Variants in PPP2R2C observed in about 807,000 individuals in gnomAD.
PPP2R2C encodes the protein protein phosphatase 2 regulatory subunit Bgamma.
In PPP2R2C, 10 loss-of-function variants were observed where a neutral mutation model predicts 45.3. The ratio of observed to expected loss-of-function variants is 0.22; its 90% CI spans 0.14 to 0.37. PPP2R2C has a LOEUF of 0.37. PPP2R2C is among the 10% of genes least tolerant of loss of function. The pLI is 1.00. For missense variants in PPP2R2C, 308 were observed against 619.7 expected, an observed-to-expected ratio of 0.50 and a Z score of 5.34; for synonymous variants, 257 against 245.4, an observed-to-expected ratio of 1.05 and a Z score of -0.44.
chr4:6,435,317 A>G (rs1021710981), intron 1 of PPP2R2C, among the ~76,000 whole-genome samples: 12 of 152,040 alleles, frequency 7.9e-5, no homozygotes, highest in Admixed American at 7.2e-4. Context: ...TTGTTAATCT[A>G]TCTACTTTGT....
At chr4:6,494,908 T>C (rs1201551348) in intron 2 of PPP2R2C, among the ~76,000 whole-genome samples, 1 of 152,246 alleles carries the variant, frequency 6.6e-6, no homozygotes, top group African/African-American at 2.4e-5. Context: ...GTCCAGAGGC[T>C]GCCCTGAGAC....
intron 5 of PPP2R2C, among the ~76,000 whole-genome samples, chr4:6,354,891 A>G (rs1713009652): frequency 6.6e-6 from 1 of 152,036 alleles, no homozygotes; most frequent in Non-Finnish European, 1.5e-5. Context: ...GAGGTGTCCA[A>G]TCAACCCAGG....
chr4:6,334,673 G>A (rs1441188971), intron 6 of PPP2R2C, among the ~76,000 whole-genome samples: 3 of 152,178 alleles, frequency 2.0e-5, no homozygotes, highest in African/African-American at 4.8e-5. Flanking sequence ...AGGGAACGAT[G>A]GGAAGAGAAC....
In PPP2R2C at chr4:6,331,321, T is replaced by C. The variant is rs1215702537; in HGVS notation, c.961-1968A>G. 6.6e-6 allele frequency among the ~76,000 whole-genome samples: 1 copy of C among 152,032 alleles called. No individual in the cohort carries two copies. The highest frequency in any genetic ancestry group is 2.4e-5 in the African/African-American group (1 of 41,406). On this transcript the variant is annotated intron_variant, in intron 7 of 8. Coordinates refer to ENST00000382599, the MANE Select transcript of PPP2R2C (RefSeq NM_020416.4). This position sits in a 1 kb window ranked among gnomAD's most constrained non-coding sequence, Gnocchi z 5.9. ...GTCACAGATTTGCCATTTAACTCAATTGTCTTCCAATAAAATGGGATGGGG... is the reference window on the plus strand; with the variant it reads ...GTCACAGATTTGCCATTTAACTCAACTGTCTTCCAATAAAATGGGATGGGG...
At chr4:6,393,421 G>A (rs572776158) in intron 1 of PPP2R2C, among the ~76,000 whole-genome samples, 22 of 152,340 alleles carry the variant, frequency 1.4e-4, no homozygotes, top group African/African-American at 4.3e-4. Flanking sequence ...ACACAGATCA[G>A]TACATCATTC....
At chr4:6,493,658 T>TA (rs756482223) in intron 2 of PPP2R2C, among the ~76,000 whole-genome samples, 7 of 151,892 alleles carry the variant, frequency 4.6e-5, no homozygotes, top group Non-Finnish European at 8.8e-5. Flanking sequence ...CCCGTGTCTG[T>TA]AGCCAGCTCT....
In PPP2R2C at chr4:6,345,499, A is replaced by G. The variant is rs948288886; in HGVS notation, c.790+2347T>C. ...TCCTGGATCATTAGGGGTGGCAGGA[A>G]CAAGGCGATCACAAGGGCCTTTATA... On this transcript the variant is annotated intron_variant, in intron 6 of 8. Coordinates refer to ENST00000382599, the MANE Select transcript of PPP2R2C (RefSeq NM_020416.4). This position sits in a 1 kb window ranked among gnomAD's most constrained non-coding sequence, Gnocchi z 5.3. Among the ~76,000 whole-genome samples, 13 of 152,214 alleles carry G rather than the reference A, an allele frequency of 8.5e-5. No homozygotes were observed. Among genetic ancestry groups the G allele is most frequent in the Non-Finnish European group, 2.9e-5 (2 of 68,038 alleles).
intron 1 of PPP2R2C, among the ~76,000 whole-genome samples, chr4:6,464,669 TAAAGAG>T (rs1282647279): frequency 2.0e-5 from 3 of 152,222 alleles, no homozygotes; most frequent in Non-Finnish European, 4.4e-5. Flanking sequence ...AGCATGTGGT[TAAAGAG>T]AAAAACTTTC....
chr4:6,378,720 G>A lies in PPP2R2C; in HGVS notation c.169-148C>T. ...CGAGGGTCAAATGAAACTCTCTGCA[G>A]CTTAACCGGCCCATGACTTGCAGTG... On this transcript the variant is annotated intron_variant, in intron 2 of 8. Transcript: ENST00000382599. This position sits in a 1 kb window ranked among gnomAD's most constrained non-coding sequence, Gnocchi z 5.2. 1 of 865,402 alleles carries A rather than the reference G, an allele frequency of 1.2e-6. No homozygotes were observed. The highest frequency in any genetic ancestry group is 1.8e-6 in the Non-Finnish European group (1 of 559,362). The allele number at this position is 865,402 out of a possible 1,614,324, so 53.6% of individuals were successfully genotyped here.
chr4:6,414,026 C>T (rs901780139), intron 1 of PPP2R2C: 21 of 1,517,896 alleles, frequency 1.4e-5, no homozygotes, highest in African/African-American at 2.8e-5. Context: ...TCTATGTGGC[C>T]CAAATCTAGA....
rs1383054753 is a variant in PPP2R2C at position 6,414,070 on chromosome 4, C to CTGTGTGTGTG, written c.71-32977_71-32976insCACACACACA. 6.7e-6 allele frequency: 8 copies of CTGTGTGTGTG among 1,202,504 alleles called. 1 individual carries two copies. In the African/African-American group the frequency reaches 8.9e-5, roughly 13 times the overall value. 74.5% of individuals were successfully genotyped at this position (1,202,504 alleles called of 1,614,324 possible). A position where few individuals can be genotyped will look rare whatever the true frequency, so the allele number is the denominator to read the frequency against. On this transcript the variant is annotated intron_variant, in intron 1 of 8. Coordinates refer to ENST00000382599, the MANE Select transcript of PPP2R2C (RefSeq NM_020416.4). ...CATGGGACAGTAACATAAGTTTTGCCTGTGTATGTGTGTGTGTGTGTGTGT... is the reference window on the plus strand; with the variant it reads ...CATGGGACAGTAACATAAGTTTTGCCTGTGTGTGTGTGTGTATGTGTGTGTGTGTGTGTGT...
At chr4:6,553,050 A>G (rs942773730) in intron 1 of PPP2R2C, among the ~76,000 whole-genome samples, 1 of 152,252 alleles carries the variant, frequency 6.6e-6, no homozygotes, top group African/African-American at 2.4e-5. Context: ...TTTGGGGCAC[A>G]TAGGGACTAA....
chr4:6,430,444 C>T (rs923742807), intron 1 of PPP2R2C, among the ~76,000 whole-genome samples: 2 of 152,184 alleles, frequency 1.3e-5, no homozygotes, highest in African/African-American at 4.8e-5. Context: ...AGAGAAATGA[C>T]TTCCCTACGT....
At chr4:6,527,302 C>T (rs73796239) in intron 2 of PPP2R2C, among the ~76,000 whole-genome samples, 1,620 of 152,324 alleles carry the variant, frequency 0.011, 25 homozygotes, top group African/African-American at 0.037. Context: ...ACCGGACAAG[C>T]TGCCTCCAGT....
At position 6,329,376 on chromosome 4, in the gene PPP2R2C, G is replaced by C; in HGVS notation, c.961-23C>G. On this transcript the variant is annotated intron_variant, in intron 7 of 8. Transcript: ENST00000382599. The surrounding 1 kb of genome is among the most constrained non-coding windows in gnomAD (Gnocchi z 5.8). ...GACCTGGTGGGATAAGGGATGAGGTGAGTGGACGGGGCGTCCCGACCATCC... is the reference window on the plus strand; with the variant it reads ...GACCTGGTGGGATAAGGGATGAGGTCAGTGGACGGGGCGTCCCGACCATCC... The C allele has an allele frequency of 6.2e-7, 1 of 1,600,156 alleles. No individual in the cohort carries two copies. Among genetic ancestry groups the C allele is most frequent in the Non-Finnish European group, 8.6e-7 (1 of 1,167,380 alleles).
At chr4:6,405,504 C>T (rs989428391) in intron 1 of PPP2R2C, among the ~76,000 whole-genome samples, 2 of 152,192 alleles carry the variant, frequency 1.3e-5, no homozygotes, top group Admixed American at 6.5e-5. Flanking sequence ...AGGAGGATTC[C>T]GAATTTAATT....
At chr4:6,531,907 C>T (rs1348418772) in intron 2 of PPP2R2C, among the ~76,000 whole-genome samples, 2 of 152,292 alleles carry the variant, frequency 1.3e-5, no homozygotes, top group Non-Finnish European at 2.9e-5. Context: ...CACCGGATGC[C>T]CCGTCCTGCA....
chr4:6,506,269 A>G (rs1231903103), intron 2 of PPP2R2C, among the ~76,000 whole-genome samples: 4 of 152,248 alleles, frequency 2.6e-5, no homozygotes, highest in South Asian at 2.1e-4. Flanking sequence ...TAATGGTTAC[A>G]TGTTTGTCAA....
chr4:6,358,519 CAAAA>C (rs74576376), intron 5 of PPP2R2C, among the ~76,000 whole-genome samples: 3 of 132,748 alleles, frequency 2.3e-5, no homozygotes, highest in Admixed American at 7.6e-5. Flanking sequence ...TTCTGCACAG[CAAAA>C]AAAAAAAAAA....
Sources: gnomAD v4.1 joint callset for allele counts (sites outside exome capture counted in the v4.1 genomes callset) on GRCh38, gnomAD v4.1.1 for gene constraint, Gnocchi (gnomAD v3.1) non-coding constraint, MANE v1.5 for transcripts, NCBI Gene and HGNC (gene_info 2026-07-23, HGNC 2026-07-21) for gene names.